Variants in ANK2 observed in about 807,000 individuals in gnomAD.
The protein encoded by ANK2 is ankyrin-2.
In ANK2, 83 loss-of-function variants were observed where a neutral mutation model predicts 360.5. The observed-to-expected ratio is 0.23, with a 90% CI of 0.19 to 0.28. ANK2 has a LOEUF of 0.28. Ranked by LOEUF, ANK2 falls within the 10% of genes least tolerant of loss-of-function variation. ANK2 has a pLI of 1.00. For missense variants in ANK2, 4,201 were observed against 4,795.7 expected (o/e 0.88, Z 3.66); for synonymous variants, 1,740 against 1,759.5 (o/e 0.99, Z 0.28).
intron 5 of ANK2, among the ~76,000 whole-genome samples, chr4:113,232,475 C>A (rs753356679): frequency 4.6e-5 from 7 of 152,164 alleles, no homozygotes; most frequent in Non-Finnish European, 7.3e-5. Context: ...TCTATTTATT[C>A]TTACATAAAA....
At chr4:113,377,278 C>T (rs2352599) in intron 45 of ANK2, among the ~76,000 whole-genome samples, 3,420 of 152,146 alleles carry the variant, frequency 0.022, 82 homozygotes, top group South Asian at 0.089. Context: ...ACACCAGCAT[C>T]GCCACAAACA....
upstream of ANK2, among the ~76,000 whole-genome samples, chr4:112,814,859 G>A (rs994418132): frequency 9.2e-5 from 14 of 152,086 alleles, no homozygotes; most frequent in African/African-American, 9.7e-5. Context: ...GCCACATTTC[G>A]CACTTCACTT....
intron 1 of ANK2, among the ~76,000 whole-genome samples, chr4:112,890,862 C>T (rs935044994): frequency 9.2e-5 from 14 of 152,256 alleles, no homozygotes; most frequent in East Asian, 1.9e-4. Context: ...CCACTACGCC[C>T]GGCCTGTGAT....
At position 113,354,062 on chromosome 4, in the gene ANK2, C is replaced by G; in HGVS notation, c.5444C>G (p.Ser1815Ter). The change falls in exon 38 of 46, where the codon TCA becomes TGA. Residue 1815 changes from serine (S) to a stop codon, truncating the protein, a stop_gained. Coordinates refer to ENST00000357077, the MANE Select transcript of ANK2 (RefSeq NM_001148.6). LOFTEE classifies it high-confidence loss of function. The stretch of plus-strand genomic sequence containing the variant: ...CCAGCTGCGTCACCCTCTCTGAAGT[C>G]AGAGAGACATGCGCCAGGGTCTCCC... ...PHPAASPSLK[S>*]ERHAPGSPSP... 6.2e-7 allele frequency: 1 copy of G among 1,614,056 alleles called. No individual in the cohort carries two copies.
chr4:112,731,655 C>T, the ANK2 span, among the ~76,000 whole-genome samples: 2 of 152,012 alleles, frequency 1.3e-5, no homozygotes, highest in African/African-American at 4.8e-5. Context: ...ATTGCTTGAG[C>T]CTGGGAGTTT....
At chr4:112,710,434 G>A in the ANK2 span, among the ~76,000 whole-genome samples, 8 of 152,260 alleles carry the variant, frequency 5.3e-5, no homozygotes, top group Non-Finnish European at 1.0e-4. Context: ...GGTGGCTCAC[G>A]CCTGTAATCT....
intron 1 of ANK2, among the ~76,000 whole-genome samples, chr4:112,834,140 C>T (rs938008279): frequency 5.3e-5 from 8 of 152,090 alleles, no homozygotes; most frequent in Non-Finnish European, 7.3e-5. Flanking sequence ...ACAACTAGAA[C>T]GTATAATGGA....
the ANK2 span, among the ~76,000 whole-genome samples, chr4:112,722,004 G>A: frequency 3.3e-5 from 5 of 152,084 alleles, no homozygotes; most frequent in Non-Finnish European, 7.4e-5. Flanking sequence ...AATTTAATAG[G>A]AAAATATGTA....
intron 1 of ANK2, among the ~76,000 whole-genome samples, chr4:113,136,823 C>T (rs914826784): frequency 1.3e-5 from 2 of 148,374 alleles, no homozygotes; most frequent in African/African-American, 2.5e-5. Flanking sequence ...GCAGTACAAT[C>T]TCGGCTTACT....
chr4:112,949,778 G>A (rs2154251882), intron 2 of ANK2, among the ~76,000 whole-genome samples: 1 of 152,122 alleles, frequency 6.6e-6, no homozygotes, highest in Non-Finnish European at 1.5e-5. Flanking sequence ...GAAACAAACA[G>A]GAAAAAGAAT....
intron 2 of ANK2, among the ~76,000 whole-genome samples, chr4:113,043,295 A>G (rs1010256328): frequency 6.6e-6 from 1 of 152,110 alleles, no homozygotes; most frequent in African/African-American, 2.4e-5. Context: ...GAGTCCTTCC[A>G]GGTCTTCTAT....
Position 113,369,518 on chromosome 4 carries a change from A to T in ANK2, c.11323A>T (p.Thr3775Ser), listed in dbSNP as rs1733991367. 1 of 1,613,632 alleles carries T rather than the reference A, an allele frequency of 6.2e-7. No homozygotes were observed. Among genetic ancestry groups the T allele is most frequent in the Non-Finnish European group, 8.5e-7 (1 of 1,180,008 alleles). Residue 3775 changes from threonine (T) to serine (S), a missense_variant, in exon 43 of 46, where the codon ACA (threonine) becomes TCA (serine). Coordinates refer to ENST00000357077, the MANE Select transcript of ANK2 (RefSeq NM_001148.6). ...CATTTGGCTTTTTGATTCCAGTGTG[A>T]CAACTCCAGGAACAGAAACATCAGA... ...SLEYQQEYFV[T>S]TPGTETSETQ...
intron 1 of ANK2, among the ~76,000 whole-genome samples, chr4:112,821,075 C>T (rs1409324269): frequency 6.6e-6 from 1 of 152,104 alleles, no homozygotes; most frequent in Non-Finnish European, 1.5e-5. Context: ...CCATGCCTGG[C>T]TAATTTTTTT....
intron 2 of ANK2, among the ~76,000 whole-genome samples, chr4:112,951,626 T>G (rs2095011790): frequency 6.6e-6 from 1 of 151,562 alleles, no homozygotes; most frequent in Non-Finnish European, 1.5e-5. Context: ...TCCCCGAAGG[T>G]AGCTCTTTCT....
At chr4:112,944,904 G>A (rs554085501) in intron 2 of ANK2, among the ~76,000 whole-genome samples, 9 of 152,196 alleles carry the variant, frequency 5.9e-5, no homozygotes, top group Non-Finnish European at 1.3e-4. Context: ...TCTGAAAAAG[G>A]CAGTGTCATA....
chr4:112,849,648 TCCAG>T (rs2064164232), intron 1 of ANK2, among the ~76,000 whole-genome samples: 4 of 152,240 alleles, frequency 2.6e-5, no homozygotes, highest in Non-Finnish European at 4.4e-5. Flanking sequence ...CTCATTGCTG[TCCAG>T]AAATGTCTAA....
chr4:113,061,495 C>T (rs549058472), intron 1 of ANK2, among the ~76,000 whole-genome samples: 1 of 152,036 alleles, frequency 6.6e-6, no homozygotes, highest in South Asian at 2.1e-4. Context: ...ATTAATTTTT[C>T]GTTTCAAAAA....
chr4:113,350,865 G>A (rs1388199088), intron 37 of ANK2: 1 of 151,936 alleles, frequency 6.6e-6, no homozygotes, highest in Non-Finnish European at 1.5e-5. Flanking sequence ...CAAAAGTGAA[G>A]AGCCAAGAAT....
chr4:113,297,057 TAA>T (rs1194991703), intron 22 of ANK2, among the ~76,000 whole-genome samples: 3 of 152,148 alleles, frequency 2.0e-5, no homozygotes, highest in Non-Finnish European at 2.9e-5. Context: ...CCTGATGCCA[TAA>T]GTCAGTTAAC....
Sources: gnomAD v4.1 joint callset for allele counts (sites outside exome capture counted in the v4.1 genomes callset) on GRCh38, gnomAD v4.1.1 for gene constraint, MANE v1.5 for transcripts, NCBI Gene and HGNC (gene_info 2026-07-23, HGNC 2026-07-21) for gene names.